ADGRG2: variants seen among roughly 807,000 people sequenced by gnomAD.
The protein encoded by ADGRG2 is G protein-coupled receptor 64.
In ADGRG2, 26 loss-of-function variants were observed where a neutral mutation model predicts 74.1. That is an observed-to-expected ratio of 0.35 (90% CI 0.26 to 0.49). The LOEUF (loss-of-function observed/expected upper bound fraction) is 0.49. Ranked by LOEUF, ADGRG2 falls within the 20% of genes least tolerant of loss-of-function variation. The probability of loss-of-function intolerance (pLI) is 0.99; values close to 1 mark genes in which losing one functional copy is unlikely to be tolerated. For missense variants in ADGRG2, 619 were observed against 763.1 expected (o/e 0.81, Z 2.22); for synonymous variants, 296 against 295.2 (o/e 1.00, Z -0.03).
At chrX:19,031,253 T>C (rs942565560) in intron 8 of ADGRG2, 2 of 403,530 alleles carry the variant, frequency 5.0e-6, no homozygotes, top group Non-Finnish European at 4.3e-6. Context: ...TACTAATCTT[T>C]AGTATGTCAA....
In ADGRG2 at chrX:19,038,796, C is replaced by T. The variant is rs146881296; in HGVS notation, c.155-1160G>A. Among the ~76,000 whole-genome samples, 984 of 111,699 alleles carry T rather than the reference C, an allele frequency of 8.8e-3. 6 individuals are homozygous for T. The highest frequency in any genetic ancestry group is 0.018 in the Middle Eastern group (4 of 218). On this transcript the variant is annotated intron_variant, in intron 4 of 28. Coordinates refer to ENST00000379869, the MANE Select transcript of ADGRG2 (RefSeq NM_001079858.3). Reference sequence around the variant, plus strand: ...GACCCAGTGTGTCCCCCCAGAGTCCCATTCCCTATTCTATGCAAACAAGGT... The same window carrying T: ...GACCCAGTGTGTCCCCCCAGAGTCCTATTCCCTATTCTATGCAAACAAGGT...
rs192168811 is a variant in ADGRG2 at position 19,026,769 on chromosome X, T to C, written c.470+450A>G. On this transcript the variant is annotated intron_variant, in intron 11 of 28. Transcript: ENST00000379869. ...CCTCGGCCTCCAAAAGTGCTGGGAT[T>C]ACAGGGGTTAGCCACCGCACCCGGC... 5.1e-4 allele frequency among the ~76,000 whole-genome samples: 57 copies of C among 111,317 alleles called. No individual in the cohort carries two copies. In the East Asian group the frequency reaches 6.2e-3, roughly 12 times the overall value.
At chrX:19,016,041 G>A (rs1317531788) in intron 15 of ADGRG2, among the ~76,000 whole-genome samples, 1 of 112,076 alleles carries the variant, frequency 8.9e-6, no homozygotes, top group Non-Finnish European at 1.9e-5. Flanking sequence ...GGCAATGCCA[G>A]CAGTACATCT....
At chrX:19,025,555 T>A (rs2060683016) in intron 11 of ADGRG2, among the ~76,000 whole-genome samples, 2 of 110,831 alleles carry the variant, frequency 1.8e-5, no homozygotes, top group Admixed American at 1.9e-4. Flanking sequence ...TTAAGAGTAA[T>A]TACAAGTATG....
chrX:19,031,209 G>A (rs1355296512), intron 8 of ADGRG2, 172 bp from the exon 9 acceptor site: 1 of 442,964 alleles, frequency 2.3e-6, no homozygotes, highest in African/African-American at 2.5e-5. Flanking sequence ...GTTTTCATTT[G>A]TTGGTCATTT....
chrX:19,101,429 G>A (rs767572311), intron 1 of ADGRG2, among the ~76,000 whole-genome samples: 3 of 111,399 alleles, frequency 2.7e-5, no homozygotes, highest in Non-Finnish European at 5.6e-5. Flanking sequence ...AGCCAGGCAC[G>A]GTGGCTCACG....
chrX:19,019,623 G>T lies in ADGRG2; in HGVS notation c.686C>A (p.Pro229Gln). 3 of 1,157,467 alleles carry T rather than the reference G, an allele frequency of 2.6e-6. No homozygotes were observed. The highest frequency in any genetic ancestry group is 3.5e-6 in the Non-Finnish European group (3 of 848,108). The change falls in exon 15 of 29, where the codon CCA (proline) becomes CAA (glutamine). Residue 229 changes from proline (P) to glutamine (Q), a missense_variant. This residue lies in a region of ADGRG2 where 292 missense variants were observed against 318.0 expected (regional missense o/e 0.92). Coordinates refer to ENST00000379869, the MANE Select transcript of ADGRG2 (RefSeq NM_001079858.3). ...CSVRIPCPSSPEELEKLQCDL... is the reference protein window; with the variant it reads ...CSVRIPCPSSQEELEKLQCDL... Reference sequence around the variant, plus strand: ...CCACTGAAGCTTTTCCAACTCTTCTGGGGAGGAAGGGCAGGGTATCCTGAC... The same window carrying T: ...CCACTGAAGCTTTTCCAACTCTTCTTGGGAGGAAGGGCAGGGTATCCTGAC...
In ADGRG2 at chrX:18,989,400, T is replaced by G. The variant is rs765039407; in HGVS notation, c.*1464A>C. The stretch of plus-strand genomic sequence containing the variant: ...AAAATTAAATAAATCAGAAAAGAAA[T>G]ATTGCAAAGACAAGTCAGCACTCAC... On this transcript the variant is annotated 3_prime_UTR_variant, in exon 29 of 29. Coordinates refer to ENST00000379869, the MANE Select transcript of ADGRG2 (RefSeq NM_001079858.3). 2 of 112,709 alleles carry G rather than the reference T, an allele frequency of 1.8e-5. No individual in the cohort carries two copies. Among genetic ancestry groups the G allele is most frequent in the Non-Finnish European group, 3.7e-5 (2 of 53,367 alleles). The allele number at this position is 112,709 out of a possible 1,213,427, so 9.3% of individuals were successfully genotyped here.
chrX:18,996,010 T>G, intron 27 of ADGRG2, 41 bp downstream of exon 27: 185 of 674,051 alleles, frequency 2.7e-4, no homozygotes, highest in Non-Finnish European at 4.0e-4. Flanking sequence ...ATCTTTTCCT[T>G]GAGATTTAAG....
chrX:19,029,553 T>A (rs368814049), intron 9 of ADGRG2, among the ~76,000 whole-genome samples: 1 of 109,895 alleles, frequency 9.1e-6, no homozygotes, highest in Non-Finnish European at 1.9e-5. Context: ...TCTGGCAGGG[T>A]ACCATGGGGT....
chrX:19,105,814 G>A (rs1281419324), intron 1 of ADGRG2, among the ~76,000 whole-genome samples: 3 of 106,915 alleles, frequency 2.8e-5, no homozygotes, highest in African/African-American at 1.0e-4. Flanking sequence ...GCGTGCACCT[G>A]TAATTCCAGC....
rs148196078 is a variant in ADGRG2 at position 19,099,721 on chromosome X, G to A, written c.-46-16975C>T. Among the ~76,000 whole-genome samples the A allele has an allele frequency of 7.5e-3, 844 of 111,941 alleles. 4 individuals are homozygous for A. The highest frequency in any genetic ancestry group is 0.014 in the Middle Eastern group (3 of 217). On this transcript the variant is annotated intron_variant, in intron 1 of 28. Coordinates refer to ENST00000379869, the MANE Select transcript of ADGRG2 (RefSeq NM_001079858.3). ...TATTTGTCACTGGAAAGTAGAAAACGCACCAGCTTTTAGAGTTGAACACCA... is the reference window on the plus strand; with the variant it reads ...TATTTGTCACTGGAAAGTAGAAAACACACCAGCTTTTAGAGTTGAACACCA...
chrX:19,056,019 C>A (rs917942454), intron 3 of ADGRG2, among the ~76,000 whole-genome samples: 1 of 109,492 alleles, frequency 9.1e-6, no homozygotes, highest in African/African-American at 3.3e-5. Flanking sequence ...CAGGTGTGAG[C>A]CATTGCACCT....
At chrX:19,067,857 A>T (rs758542336) in intron 3 of ADGRG2, among the ~76,000 whole-genome samples, 11 of 112,425 alleles carry the variant, frequency 9.8e-5, no homozygotes, top group Admixed American at 2.8e-4. Context: ...AAGAAGATAT[A>T]CAAGTGGCCA....
At chrX:19,078,414 G>A (rs998555557) in intron 2 of ADGRG2, among the ~76,000 whole-genome samples, 3 of 110,110 alleles carry the variant, frequency 2.7e-5, no homozygotes, top group South Asian at 4.0e-4. Flanking sequence ...AAAATTAGCC[G>A]GGCATGGTGG....
chrX:19,093,335 G>A (rs1602102433), intron 1 of ADGRG2, among the ~76,000 whole-genome samples: 1 of 112,078 alleles, frequency 8.9e-6, no homozygotes, highest in Admixed American at 9.5e-5. Context: ...CAGTCTGCAG[G>A]AAGTTGTGGC....
At chrX:19,067,137 C>T (rs1475238132) in intron 3 of ADGRG2, among the ~76,000 whole-genome samples, 3 of 111,819 alleles carry the variant, frequency 2.7e-5, no homozygotes, top group African/African-American at 9.8e-5. Context: ...AACTTTACTT[C>T]ATCCTCTTCA....
At chrX:18,996,702 G>A (rs752405700) in intron 26 of ADGRG2, among the ~76,000 whole-genome samples, 1 of 110,039 alleles carries the variant, frequency 9.1e-6, no homozygotes, top group South Asian at 3.9e-4. Context: ...CCTGCCCCAG[G>A]TGCTGGCATG....
chrX:19,014,211 C>G (rs1747212079), intron 15 of ADGRG2, 137 bp from the exon 16 acceptor site: 7 of 486,544 alleles, frequency 1.4e-5, no homozygotes, highest in Non-Finnish European at 2.4e-5. Context: ...CAGCCTCTGC[C>G]ATTTCACACC....
Sources: allele counts gnomAD v4.1 joint callset (sites outside exome capture counted in the v4.1 genomes callset), GRCh38; gene constraint gnomAD v4.1.1; regional missense constraint gnomAD v4.1.1; transcripts MANE v1.5; gene names NCBI Gene and HGNC (gene_info 2026-07-23, HGNC 2026-07-21).